The following AP5B1 variants were observed in gnomAD, a reference collection of about 807,000 sequenced individuals.
The protein encoded by AP5B1 is adaptor related protein complex 5 subunit beta 1, also known as AP-5 complex subunit beta-1.
In AP5B1, 3 loss-of-function variants were observed where a neutral mutation model predicts 5.7. The ratio of observed to expected loss-of-function variants is 0.53; its 90% confidence interval spans 0.24 to 1.36. The LOEUF (loss-of-function observed/expected upper bound fraction) is 1.36. AP5B1 is among the 40% of genes most tolerant of loss of function. The probability of loss-of-function intolerance (pLI) is 0.17; values close to 1 mark genes in which losing one functional copy is unlikely to be tolerated. For synonymous variants in AP5B1, 696 were observed against 555.5 expected (o/e 1.25, Z -3.56); for missense variants, 1,310 against 1,143.2 (o/e 1.15, Z -2.10).
Position 65,779,802 on chromosome 11 carries a change from C to T in AP5B1, c.691G>A (p.Gly231Ser). The T allele has an allele frequency of 6.3e-7, 1 of 1,585,964 alleles. No individual in the cohort carries two copies. The highest frequency in any genetic ancestry group is 1.1e-5 in the South Asian group (1 of 87,078). Reference sequence around the variant, plus strand: ...GCCTGGGGCTGAAGGCGTCCATCGCCCTCCTCCACTAGTGTCCAATCCCAG... The same window carrying T: ...GCCTGGGGCTGAAGGCGTCCATCGCTCTCCTCCACTAGTGTCCAATCCCAG... ...GPWDWTLVEE[G>S]DGRLQPQAPS... is the part of the protein sequence containing the mutation. The change falls in exon 2 of 2, where the codon GGC becomes AGC. Residue 231 changes from glycine to serine, a missense_variant. Gly to Ser is a moderately conservative substitution (Grantham distance 56). Transcript: ENST00000532090.
In AP5B1 at chr11:65,779,352, G is replaced by A; in HGVS notation, c.1141C>T (p.Leu381=). 6.3e-7 allele frequency: 1 copy of A among 1,593,914 alleles called. No homozygotes were observed. The highest frequency in any genetic ancestry group is 1.3e-5 in the African/African-American group (1 of 74,740). Residue 381 remains leucine, a synonymous_variant, in exon 2 of 2, where the codon CTG becomes TTG. Transcript: ENST00000532090. ...CVLSFPENWP[L]GPEGEEAAPL... is the part of the protein sequence containing the mutation. The stretch of plus-strand genomic sequence containing the variant: ...GCAGCCTCCTCACCTTCAGGGCCCA[G>A]CGGCCAGTTCTCAGGGAAGCTCAGG...
rs575626286 is a variant in AP5B1, at chr11:65,777,461, C to T, written c.*395G>A. ...TAGACCCTAAGAGGTGGTCAGGCCA[C>T]GAGGGCTCTGCCCTCCTGCGTGGAC... is the stretch of plus-strand genomic sequence containing the variant. On this transcript the variant is annotated 3_prime_UTR_variant, in exon 2 of 2. Transcript: ENST00000532090. 2.5e-5 allele frequency: 5 copies of T among 198,706 alleles called. No homozygotes were observed. The highest frequency in any genetic ancestry group is 2.3e-4 in the South Asian group (2 of 8,866). 12.3% of individuals were successfully genotyped at this position (198,706 alleles called of 1,614,324 possible). A position where few individuals can be genotyped will look rare whatever the true frequency, so the allele number is the denominator to read the frequency against.
chr11:65,777,526 C>A lies in AP5B1; in HGVS notation c.*330G>T. ...TGGGAGTGGGTTCGCTCTCTCCCCTCACTCCTGTCACTCTGTCCTCTGTCA... is the reference window on the plus strand; with the variant it reads ...TGGGAGTGGGTTCGCTCTCTCCCCTAACTCCTGTCACTCTGTCCTCTGTCA... On this transcript the variant is annotated 3_prime_UTR_variant, in exon 2 of 2. Transcript: ENST00000532090. 1 of 287,828 alleles carries A rather than the reference C, an allele frequency of 3.5e-6. No individual in the cohort carries two copies. Among genetic ancestry groups the A allele is most frequent in the Non-Finnish European group, 6.6e-6 (1 of 152,186 alleles). 17.8% of individuals were successfully genotyped at this position (287,828 alleles called of 1,614,324 possible).
chr11:65,777,557 A>T lies in AP5B1; in HGVS notation c.*299T>A. ...TGTCACTCTGTCCTCTGTCATGGGA[A>T]GATGCAGAAGGGTCCTCACTGGGCT... On this transcript the variant is annotated 3_prime_UTR_variant, in exon 2 of 2. Transcript: ENST00000532090. 2.7e-6 allele frequency: 1 copy of T among 363,848 alleles called. No individual in the cohort carries two copies. Among genetic ancestry groups the T allele is most frequent in the Non-Finnish European group, 5.0e-6 (1 of 199,304 alleles). 22.5% of individuals were successfully genotyped at this position (363,848 alleles called of 1,614,324 possible). A position where few individuals can be genotyped will look rare whatever the true frequency, so the allele number is the denominator to read the frequency against.
Position 65,778,456 on chromosome 11 carries a change from C to A in AP5B1, c.2037G>T (p.Val679=). The A allele has an allele frequency of 6.4e-7, 1 of 1,573,506 alleles. No homozygotes were observed. The highest frequency in any genetic ancestry group is 8.6e-7 in the Non-Finnish European group (1 of 1,164,738). ...GSHRVKGPLP[V]LKLQPEALEP... is the part of the protein sequence containing the mutation. The stretch of plus-strand genomic sequence containing the variant: ...CCAGCGCCTCCGGCTGGAGCTTCAA[C>A]ACTGGGAGTGGGCCCTTGACCCGAT... Residue 679 remains valine, a synonymous_variant, in exon 2 of 2, where the codon GTG becomes GTT. Coordinates refer to ENST00000532090, the MANE Select transcript of AP5B1 (RefSeq NM_138368.5).
At position 65,778,651 on chromosome 11, in the gene AP5B1, G is replaced by C; in HGVS notation, c.1842C>G (p.Leu614=). Residue 614 remains leucine (L), a synonymous_variant, in exon 2 of 2, where the codon CTC becomes CTG. Transcript: ENST00000532090. ...EDPDGRDHAR[L]YYILLAHLAA... ...CCAGGTGTGCCAGCAGGATGTAGTA[G>C]AGGCGGGCGTGGTCACGCCCATCAG... 3 of 1,566,172 alleles carry C rather than the reference G, an allele frequency of 1.9e-6. No homozygotes were observed. Among genetic ancestry groups the C allele is most frequent in the Non-Finnish European group, 2.6e-6 (3 of 1,158,978 alleles).
rs1590991766 is a variant in AP5B1, at chr11:65,779,709, C to T, written c.784G>A (p.Glu262Lys). The T allele has an allele frequency of 1.2e-6, 2 of 1,611,258 alleles. No individual in the cohort carries two copies. Among genetic ancestry groups the T allele is most frequent in the South Asian group, 2.2e-5 (2 of 90,880 alleles). The change falls in exon 2 of 2, where the codon GAG becomes AAG. Residue 262 changes from glutamate (E) to lysine (K), a missense_variant. By Grantham distance (56) the Glu-to-Lys change is moderately conservative. Transcript: ENST00000532090. ...RSLTAREHSPEEARELRAAVI... is the reference protein window; with the variant it reads ...RSLTAREHSPKEARELRAAVI... ...GCAGCCCGCAGCTCCCGCGCCTCCT[C>T]AGGGCTGTGCTCTCGTGCTGTAAGG...
Position 65,780,674 on chromosome 11 carries a change from G to A in AP5B1, c.-83C>T, listed in dbSNP as rs933843390. On this transcript the variant is annotated 5_prime_UTR_variant, in exon 1 of 2. Transcript: ENST00000532090. ...GAGCGCGGGGCCCGCTGCCGACCCC[G>A]AGGGGCTGCGGTCACCCCCAGACGC... 1 of 1,285,336 alleles carries A rather than the reference G, an allele frequency of 7.8e-7. No individual in the cohort carries two copies. The highest frequency in any genetic ancestry group is 9.9e-7 in the Non-Finnish European group (1 of 1,012,514). 79.6% of individuals were successfully genotyped at this position (1,285,336 alleles called of 1,614,324 possible). A position where few individuals can be genotyped will look rare whatever the true frequency, so the allele number is the denominator to read the frequency against.
Position 65,778,851 on chromosome 11 carries a change from C to A in AP5B1, c.1642G>T (p.Ala548Ser), listed in dbSNP as rs774214924. Residue 548 changes from alanine (A) to serine (S), a missense_variant, in exon 2 of 2, where the codon GCA (alanine) becomes TCA (serine). Coordinates refer to ENST00000532090, the MANE Select transcript of AP5B1 (RefSeq NM_138368.5). The stretch of plus-strand genomic sequence containing the variant: ...GTAGCACTCTGGGCATCTCCATCTG[C>A]CACCTTTGCCAGCATTTGCAGGTGC... The part of the protein sequence containing the change: ...CWHLQMLAKV[A>S]DGDAQSATLN... The A allele has an allele frequency of 6.2e-7, 1 of 1,608,890 alleles. No individual in the cohort carries two copies. Among genetic ancestry groups the A allele is most frequent in the East Asian group, 2.2e-5 (1 of 44,858 alleles).
At position 65,780,294 on chromosome 11, in the gene AP5B1, C is replaced by G. The variant is rs1402014714; in HGVS notation, c.199G>C (p.Asp67His). The G allele has an allele frequency of 6.7e-7, 1 of 1,496,950 alleles. No individual in the cohort carries two copies. 92.7% of individuals were successfully genotyped at this position (1,496,950 alleles called of 1,614,324 possible). The change falls in exon 2 of 2, where the codon GAC becomes CAC. Residue 67 changes from aspartate (D) to histidine (H), a missense_variant. Transcript: ENST00000532090. ...GCGGCCACTTCGGCCGCAGAGGCGT[C>G]GGGCCACAGCTGCGCAGGGTACTCC... ...SMEYPAQLWP[D>H]ASAAEVAATS...
chr11:65,780,131 A>C lies in AP5B1; in HGVS notation c.362T>G (p.Leu121Arg). ...CGCGGCCAGGCCGAGCAGTAGGGGC[A>C]GGAGCCGGCAGGAGGCGCCCGAGGT... ...GPTSGASCRL[L>R]PLLLGLAAGS... The change falls in exon 2 of 2, where the codon CTG becomes CGG. Residue 121 changes from leucine (L) to arginine (R), a missense_variant. By Grantham distance (102) the Leu-to-Arg change is moderately radical (BLOSUM62 -2). Transcript: ENST00000532090. 1 of 1,482,242 alleles carries C rather than the reference A, an allele frequency of 6.7e-7. No individual in the cohort carries two copies. Among genetic ancestry groups the C allele is most frequent in the Non-Finnish European group, 8.9e-7 (1 of 1,119,326 alleles). The allele number at this position is 1,482,242 out of a possible 1,614,324, so 91.8% of individuals were successfully genotyped here.
rs1036014713 is a variant in AP5B1, at chr11:65,776,994, C to T, written c.*862G>A. 6.6e-6 allele frequency: 1 copy of T among 152,226 alleles called. No homozygotes were observed. Among genetic ancestry groups the T allele is most frequent in the African/African-American group, 2.4e-5 (1 of 41,424 alleles). 9.4% of individuals were successfully genotyped at this position (152,226 alleles called of 1,614,324 possible). A position where few individuals can be genotyped will look rare whatever the true frequency, so the allele number is the denominator to read the frequency against. ...ACAGTGGTGACTCACACCTGTAGTC[C>T]CAGCTACTCGGAGGCAGGCTGAGAT... On this transcript the variant is annotated 3_prime_UTR_variant, in exon 2 of 2. Coordinates refer to ENST00000532090, the MANE Select transcript of AP5B1 (RefSeq NM_138368.5).
In AP5B1 at chr11:65,775,369, A is replaced by T. The variant is rs934402810; in HGVS notation, c.*2487T>A. Among the ~76,000 whole-genome samples, 5 of 152,196 alleles carry T rather than the reference A, an allele frequency of 3.3e-5. No individual in the cohort carries two copies. The highest frequency in any genetic ancestry group is 1.2e-4 in the African/African-American group (5 of 41,460). On this transcript the variant is annotated 3_prime_UTR_variant, in exon 2 of 2. Transcript: ENST00000532090. ...ATTAGCATCTCCAGGCAAAAAGAAA[A>T]CGTTTCTGGATTCCCTTGCCACTGG...
rs754060865 is a variant in AP5B1 at position 65,778,419 on chromosome 11, A to G, written c.2074T>C (p.Ser692Pro). ...TCCACACGGAAGCGCAGCTCCAGAG[A>G]GTAGATGGGCTCCAGCGCCTCCGGC... ...LQPEALEPIYSLELRFRVEGQ... is the reference protein window; with the variant it reads ...LQPEALEPIYPLELRFRVEGQ... Residue 692 changes from serine to proline, a missense_variant, in exon 2 of 2, where the codon TCT becomes CCT. Coordinates refer to ENST00000532090, the MANE Select transcript of AP5B1 (RefSeq NM_138368.5). The G allele has an allele frequency of 1.9e-6, 3 of 1,585,576 alleles. No individual in the cohort carries two copies. Among genetic ancestry groups the G allele is most frequent in the Non-Finnish European group, 2.6e-6 (3 of 1,169,252 alleles).
At position 65,774,416 on chromosome 11, in the gene AP5B1, CTTTT is replaced by C. The variant is rs1281922592; in HGVS notation, c.*3436_*3439del. ...CCCCAAAACTGACCCCTTCACATTT[CTTTT>C]TTCTTTTTTGAGACGGAGTCCTGCT... On this transcript the variant is annotated 3_prime_UTR_variant, in exon 2 of 2. Transcript: ENST00000532090. 6.6e-6 allele frequency among the ~76,000 whole-genome samples: 1 copy of C among 151,976 alleles called. No individual in the cohort carries two copies.
In AP5B1 at chr11:65,774,365, T is replaced by C. The variant is rs1395329499; in HGVS notation, c.*3491A>G. Among the ~76,000 whole-genome samples, 3 of 152,166 alleles carry C rather than the reference T, an allele frequency of 2.0e-5. No homozygotes were observed. The highest frequency in any genetic ancestry group is 2.9e-5 in the Non-Finnish European group (2 of 68,030). ...GGCAGAGGAAGAGAGGGCTGGAAAATTGAGCACTGGCAATGACATATTTTG... is the reference window on the plus strand; with the variant it reads ...GGCAGAGGAAGAGAGGGCTGGAAAACTGAGCACTGGCAATGACATATTTTG... On this transcript the variant is annotated 3_prime_UTR_variant, in exon 2 of 2. Transcript: ENST00000532090.
At position 65,780,311 on chromosome 11, in the gene AP5B1, G is replaced by A. The variant is rs1409229898; in HGVS notation, c.182C>T (p.Pro61Leu). The A allele has an allele frequency of 6.7e-7, 1 of 1,492,528 alleles. No homozygotes were observed. The highest frequency in any genetic ancestry group is 8.9e-7 in the Non-Finnish European group (1 of 1,124,662). The allele number at this position is 1,492,528 out of a possible 1,614,324, so 92.5% of individuals were successfully genotyped here. Residue 61 changes from proline (P) to leucine (L), a missense_variant, in exon 2 of 2, where the codon CCT becomes CTT. Transcript: ENST00000532090. The part of the protein sequence containing the change: ...VSLLALSMEY[P>L]AQLWPDASAA... ...AGAGGCGTCGGGCCACAGCTGCGCA[G>A]GGTACTCCATGCTCAGGGCCAGCAG... is the stretch of plus-strand genomic sequence containing the variant.
In AP5B1 at chr11:65,775,176, G is replaced by A. The variant is rs185470166; in HGVS notation, c.*2680C>T. ...GGGTCCATAGGGGCATATAAGAATGGCCATTGCAGCAAAGTTCTGGTTGGG... is the reference window on the plus strand; with the variant it reads ...GGGTCCATAGGGGCATATAAGAATGACCATTGCAGCAAAGTTCTGGTTGGG... On this transcript the variant is annotated 3_prime_UTR_variant, in exon 2 of 2. Transcript: ENST00000532090. Among the ~76,000 whole-genome samples, 56 of 152,152 alleles carry A rather than the reference G, an allele frequency of 3.7e-4. No homozygotes were observed. Among genetic ancestry groups the A allele is most frequent in the Non-Finnish European group, 3.4e-4 (23 of 68,010 alleles).
chr11:65,780,716 G>GGACCCGCGCCCGGCTCCCACGGTGA lies in AP5B1; in HGVS notation c.-150_-126dup, dbSNP rs1322318619. On this transcript the variant is annotated 5_prime_UTR_variant, in exon 1 of 2. Transcript: ENST00000532090. ...CCCAGACGCCGCGCAGATGCCGGCG[G>GGACCCGCGCCCGGCTCCCACGGTGA]GACCCGCGCCCGGCTCCCACGGTGA... 5 of 1,063,474 alleles carry GGACCCGCGCCCGGCTCCCACGGTGA rather than the reference G, an allele frequency of 4.7e-6. No individual in the cohort carries two copies. Among genetic ancestry groups the GGACCCGCGCCCGGCTCCCACGGTGA allele is most frequent in the Non-Finnish European group, 6.0e-6 (5 of 829,446 alleles). 65.9% of individuals were successfully genotyped at this position (1,063,474 alleles called of 1,614,324 possible). A position where few individuals can be genotyped will look rare whatever the true frequency, so the allele number is the denominator to read the frequency against.
Sources: allele counts gnomAD v4.1 joint callset (sites outside exome capture counted in the v4.1 genomes callset), GRCh38; gene constraint gnomAD v4.1.1; transcripts MANE v1.5; gene names NCBI Gene and HGNC (gene_info 2026-07-23, HGNC 2026-07-21).